The following LAMA4 variants were observed in gnomAD, a reference collection of about 807,000 sequenced individuals.
The protein encoded by LAMA4 is laminin subunit alpha 4.
LAMA4 carries 127 observed loss-of-function variants against 207.1 expected under a neutral mutation model. The observed-to-expected ratio is 0.61, with a 90% CI of 0.53 to 0.71. The LOEUF (loss-of-function observed/expected upper bound fraction) is 0.71. Among genes scored for constraint, LAMA4 ranks in the 30% least tolerant of loss-of-function variants. LAMA4 has a pLI of 0.00. For missense variants in LAMA4, 2,093 were observed against 2,246.5 expected (o/e 0.93, Z 1.38); for synonymous variants, 761 against 816.0 (o/e 0.93, Z 1.15).
chr6:112,175,354 T>G lies in LAMA4; in HGVS notation c.1316A>C (p.Gln439Pro). The change falls in exon 11 of 39, where the codon CAA becomes CCA. Residue 439 changes from glutamine to proline, a missense_variant. Gln to Pro is a moderately conservative substitution (Grantham distance 76). Coordinates refer to ENST00000230538, the MANE Select transcript of LAMA4 (RefSeq NM_001105206.3). ...TGCCTCCTCATCCACGAGCTCCCGT[T>G]GGGTGAAAAATGGTTGACGGCTTCT... ...EIRSRQPFFT[Q>P]RELVDEEADE... is the part of the protein sequence containing the mutation. 1 of 1,614,148 alleles carries G rather than the reference T, an allele frequency of 6.2e-7. No individual in the cohort carries two copies. Among genetic ancestry groups the G allele is most frequent in the Non-Finnish European group, 8.5e-7 (1 of 1,180,020 alleles).
At chr6:112,146,289 C>CA (rs139084496) in intron 18 of LAMA4, among the ~76,000 whole-genome samples, 10,366 of 129,468 alleles carry the variant, frequency 0.08, 448 homozygotes, top group Admixed American at 0.14. Context: ...GACTATGTCT[C>CA]AAAAAAAAAA....
At chr6:112,246,809 C>T (rs1490920884) in intron 2 of LAMA4, among the ~76,000 whole-genome samples, 4 of 152,082 alleles carry the variant, frequency 2.6e-5, no homozygotes, top group African/African-American at 4.8e-5. Context: ...CGTGAGCCAC[C>T]GTGCCCAGCT....
At chr6:112,175,047 T>C (rs748465468) in intron 11 of LAMA4, among the ~76,000 whole-genome samples, 27 of 152,220 alleles carry the variant, frequency 1.8e-4, no homozygotes, top group Non-Finnish European at 3.4e-4. Flanking sequence ...TCTACTGTTT[T>C]ATACGTTTTT....
rs1781319600 is a variant in LAMA4, at chr6:112,165,271, T to C, written c.1557A>G (p.Gln519=). Residue 519 remains glutamine (Q), a synonymous_variant, in exon 13 of 39, where the codon CAA becomes CAG. Transcript: ENST00000230538. ...CCATTTGTTCCCTCACTCTTTCCTG[T>C]TGTTTCTGCGGGAAGGAAGAGTAAG... ...TAARQRDHEK[Q]QERVREQMEV... 6.2e-7 allele frequency: 1 copy of C among 1,605,386 alleles called. No homozygotes were observed. The highest frequency in any genetic ancestry group is 1.1e-5 in the South Asian group (1 of 90,926).
At chr6:112,145,414 G>A (rs1779963112) in intron 18 of LAMA4, among the ~76,000 whole-genome samples, 1 of 152,262 alleles carries the variant, frequency 6.6e-6, no homozygotes, top group Non-Finnish European at 1.5e-5. Flanking sequence ...AGAGCCAGTT[G>A]CCTTGAAGGT....
chr6:112,181,786 A>G (rs1403412437), intron 9 of LAMA4, among the ~76,000 whole-genome samples: 1 of 152,150 alleles, frequency 6.6e-6, no homozygotes, highest in African/African-American at 2.4e-5. Flanking sequence ...ATATTTCAGG[A>G]TACCTAGCAC....
chr6:112,227,821 A>C (rs1554363010), intron 2 of LAMA4, among the ~76,000 whole-genome samples: 6 of 152,158 alleles, frequency 3.9e-5, no homozygotes, highest in African/African-American at 1.2e-4. Context: ...GTGGCTACTA[A>C]ATCTGATTTC....
At chr6:112,243,080 A>T (rs932431492) in intron 2 of LAMA4, among the ~76,000 whole-genome samples, 2 of 152,120 alleles carry the variant, frequency 1.3e-5, no homozygotes, top group Non-Finnish European at 2.9e-5. Flanking sequence ...GAGGGTCCAG[A>T]TAGAGTAGGG....
chr6:112,253,883 A>G (rs782345249), intron 2 of LAMA4, 73 bp downstream of exon 2: 2 of 1,612,046 alleles, frequency 1.2e-6, no homozygotes, highest in Non-Finnish European at 1.7e-6. Flanking sequence ...GGAGAGAGAG[A>G]GAAGGACGAG....
In LAMA4 at chr6:112,158,630, A is replaced by C. The variant is rs1011750272; in HGVS notation, c.1817+102T>G. ...ACATAAGCATACCCAACCTTAATCA[A>C]CCTGGTAAAATTGTATCCCAGTAGT... On this transcript the variant is annotated intron_variant, in intron 14 of 38. Coordinates refer to ENST00000230538, the MANE Select transcript of LAMA4 (RefSeq NM_001105206.3). 21 of 1,208,516 alleles carry C rather than the reference A, an allele frequency of 1.7e-5. No individual in the cohort carries two copies. The African/African-American group carries it at 3.0e-4, about 17-fold the overall frequency. 74.9% of individuals were successfully genotyped at this position (1,208,516 alleles called of 1,614,324 possible).
chr6:112,148,327 TGGGCATCCCCTTTACAC>T lies in LAMA4; in HGVS notation c.2174-8_2182del. On this transcript the variant is annotated splice_acceptor_variant and splice_polypyrimidine_tract_variant and coding_sequence_variant and intron_variant, in exon 18 of 39. Transcript: ENST00000230538. LOFTEE classifies it high-confidence loss of function. ...CAGTCTAGACTGCCCCAGGCGCTGC[TGGGCATCCCCTTTACAC>T]AGAGCACAGGGTCATTCACTTTGCA... The T allele has an allele frequency of 6.2e-7, 1 of 1,614,188 alleles. No individual in the cohort carries two copies. Among genetic ancestry groups the T allele is most frequent in the Non-Finnish European group, 8.5e-7 (1 of 1,180,022 alleles).
chr6:112,253,808 T>C, intron 2 of LAMA4, 148 bp downstream of exon 2: 1 of 1,614,250 alleles, frequency 6.2e-7, no homozygotes, highest in South Asian at 1.1e-5. Context: ...AAACTCTTTA[T>C]TTCAAGTTTC....
intron 33 of LAMA4, 132 bp from the exon 34 acceptor site, chr6:112,119,443 GC>G (rs1778219076): frequency 1.0e-6 from 1 of 971,024 alleles, no homozygotes; most frequent in Non-Finnish European, 1.6e-6. Flanking sequence ...TTTTAAAATG[GC>G]CCCATCTCTG....
chr6:112,239,359 TATTTTTTATGGC>T (rs1786203034), intron 2 of LAMA4, among the ~76,000 whole-genome samples: 1 of 145,862 alleles, frequency 6.9e-6, no homozygotes, highest in African/African-American at 2.6e-5. Context: ...GAGTCTGGAG[TATTTTTTATGGC>T]ATTTTTTATT....
intron 38 of LAMA4, among the ~76,000 whole-genome samples, chr6:112,110,093 A>G (rs1201433501): frequency 6.6e-6 from 1 of 152,214 alleles, no homozygotes; most frequent in Non-Finnish European, 1.5e-5. Context: ...ATAAACTAAG[A>G]TTCAATTTTT....
chr6:112,177,839 G>A (rs1782114455), intron 10 of LAMA4, among the ~76,000 whole-genome samples: 1 of 152,178 alleles, frequency 6.6e-6, no homozygotes, highest in Admixed American at 6.5e-5. Flanking sequence ...ACCACAGCAT[G>A]CAATCTCCTC....
intron 2 of LAMA4, chr6:112,253,279 T>A (rs566244916): frequency 5.5e-6 from 1 of 182,654 alleles, no homozygotes; most frequent in South Asian, 1.2e-4. Flanking sequence ...GACCTCTACA[T>A]TCTGGTTTTG....
chr6:112,141,559 A>C (rs1437068493), intron 20 of LAMA4, 56 bp from the exon 21 acceptor site: 10 of 1,333,112 alleles, frequency 7.5e-6, no homozygotes, highest in Non-Finnish European at 1.1e-5. Flanking sequence ...AATGAACATC[A>C]TCTTTTTTAA....
chr6:112,190,808 A>G (rs1189815484), intron 6 of LAMA4, among the ~76,000 whole-genome samples: 1 of 152,236 alleles, frequency 6.6e-6, no homozygotes, highest in Non-Finnish European at 1.5e-5. Flanking sequence ...TTTACCAAAC[A>G]TAACTGAACG....
Sources: gnomAD v4.1 joint callset for allele counts (sites outside exome capture counted in the v4.1 genomes callset) on GRCh38, gnomAD v4.1.1 for gene constraint, MANE v1.5 for transcripts, NCBI Gene and HGNC (gene_info 2026-07-23, HGNC 2026-07-21) for gene names.